The following COBLL1 variants were observed in gnomAD, a reference collection of about 807,000 sequenced individuals.
The protein encoded by COBLL1 is cordon-bleu WH2 repeat protein like 1.
A neutral mutation model predicts 94.8 loss-of-function variants in COBLL1; 50 were observed. The ratio of observed to expected loss-of-function variants is 0.53; its 90% CI spans 0.42 to 0.67. The LOEUF (loss-of-function observed/expected upper bound fraction) is 0.67. Among genes scored for constraint, COBLL1 ranks in the 30% least tolerant of loss-of-function variants. The pLI, the probability that COBLL1 is intolerant of heterozygous loss-of-function variation, is 0.00. For synonymous variants in COBLL1, 448 were observed against 473.8 expected, an observed-to-expected ratio of 0.95 and a Z score of 0.71; for missense variants, 1,362 against 1,348.7, an observed-to-expected ratio of 1.01 and a Z score of -0.15.
At chr2:164,660,790 C>T (rs932885598) in intron 2 of COBLL1, among the ~76,000 whole-genome samples, 32 of 152,098 alleles carry the variant, frequency 2.1e-4, no homozygotes, top group Non-Finnish European at 1.5e-4. Flanking sequence ...ACATTACATA[C>T]AGCAATCATA....
At chr2:164,762,027 A>T (rs1358764412) in intron 2 of COBLL1, among the ~76,000 whole-genome samples, 1 of 152,214 alleles carries the variant, frequency 6.6e-6, no homozygotes, top group African/African-American at 2.4e-5. Context: ...AAAGGCTGCT[A>T]ATCTCTAACT....
chr2:164,732,122 C>T (rs571471918), intron 3 of COBLL1, among the ~76,000 whole-genome samples: 23 of 152,178 alleles, frequency 1.5e-4, no homozygotes, highest in African/African-American at 3.4e-4. Context: ...CCCCCACATA[C>T]AAGTAGCACC....
At chr2:164,840,468 A>AT (rs571299365) in intron 2 of COBLL1, among the ~76,000 whole-genome samples, 67 of 152,286 alleles carry the variant, frequency 4.4e-4, no homozygotes, top group Admixed American at 2.4e-3. Flanking sequence ...AACTATTAGC[A>AT]TATCTGGCAG....
At chr2:164,758,314 C>T (rs1687509357) in intron 2 of COBLL1, among the ~76,000 whole-genome samples, 1 of 151,848 alleles carries the variant, frequency 6.6e-6, no homozygotes, top group East Asian at 1.9e-4. Flanking sequence ...TATCTAGTTG[C>T]AGAAACTATG....
chr2:164,816,313 C>T (rs757354943), intron 2 of COBLL1, among the ~76,000 whole-genome samples: 11 of 152,012 alleles, frequency 7.2e-5, no homozygotes, highest in African/African-American at 2.7e-4. Flanking sequence ...ACAGTGGGCC[C>T]TCTAAGTCTG....
intron 8 of COBLL1, among the ~76,000 whole-genome samples, 168 bp downstream of exon 8, chr2:164,704,784 T>G (rs1684496297): frequency 6.6e-6 from 1 of 152,198 alleles, no homozygotes; most frequent in South Asian, 2.1e-4. Flanking sequence ...ACACTTTATT[T>G]GGTGATGTTT....
chr2:164,694,225 T>C (rs1427642085), intron 12 of COBLL1, 44 bp downstream of exon 12: 1 of 1,554,526 alleles, frequency 6.4e-7, no homozygotes, highest in Middle Eastern at 1.7e-4. Flanking sequence ...CATTAAACCA[T>C]GTCATTAAAT....
chr2:164,667,763 G>A lies in COBLL1; in HGVS notation n.127-1862C>T, dbSNP rs888452285. ...GCTCTGGATTAGGTTTTGGCTCAAGGGTATGTTGTGGCTGCTTTGATCTTC... is the reference window on the plus strand; with the variant it reads ...GCTCTGGATTAGGTTTTGGCTCAAGAGTATGTTGTGGCTGCTTTGATCTTC... On this transcript the variant is annotated intron_variant and non_coding_transcript_variant, in intron 1 of 2. Transcript: ENST00000495084. Among the ~76,000 whole-genome samples the A allele has an allele frequency of 3.9e-5, 6 of 152,106 alleles. No homozygotes were observed. In the South Asian group the frequency reaches 1.2e-3, roughly 32 times the overall value.
intron 2 of COBLL1, among the ~76,000 whole-genome samples, chr2:164,837,723 T>A (rs1427586666): frequency 1.3e-5 from 2 of 152,152 alleles, no homozygotes; most frequent in East Asian, 3.9e-4. Flanking sequence ...TACATTTGAA[T>A]ATATATAAAG....
In COBLL1 at chr2:164,692,560, CAG is replaced by C. The variant is rs1340264081; in HGVS notation, c.3124-165_3124-164del. On this transcript the variant is annotated intron_variant, in intron 12 of 13. Transcript: ENST00000652658. The stretch of plus-strand genomic sequence containing the variant: ...TCACCCACTGAATTATCTCTGCTGC[CAG>C]AGCTAAGCTGGAAGATGAGGGCATT... The C allele has an allele frequency of 6.9e-6, 4 of 576,554 alleles. No homozygotes were observed. The African/African-American group carries it at 7.7e-5, about 11-fold the overall frequency. The allele number at this position is 576,554 out of a possible 1,614,324, so 35.7% of individuals were successfully genotyped here.
downstream of COBLL1, among the ~76,000 whole-genome samples, chr2:164,679,054 C>T (rs1266291571): frequency 6.6e-6 from 1 of 152,162 alleles, no homozygotes; most frequent in Non-Finnish European, 1.5e-5. Flanking sequence ...TCCAGATCAC[C>T]AGTCCCTTTA....
intron 2 of COBLL1, among the ~76,000 whole-genome samples, chr2:164,784,819 C>T (rs1313295359): frequency 6.6e-6 from 1 of 152,008 alleles, no homozygotes; most frequent in Non-Finnish European, 1.5e-5. Flanking sequence ...AGAGCCAATA[C>T]ATGTTTTTTT....
intron 2 of COBLL1, among the ~76,000 whole-genome samples, chr2:164,762,949 G>A (rs1357118022): frequency 1.3e-5 from 2 of 152,048 alleles, no homozygotes; most frequent in Non-Finnish European, 2.9e-5. Context: ...GCCTGCCTCG[G>A]CCTCCCAAAG....
At chr2:164,662,921 A>C (rs1410774933) in intron 2 of COBLL1, among the ~76,000 whole-genome samples, 1 of 152,104 alleles carries the variant, frequency 6.6e-6, no homozygotes, top group Non-Finnish European at 1.5e-5. Context: ...GAGTCAATTA[A>C]ATCTCTTTTC....
intron 2 of COBLL1, among the ~76,000 whole-genome samples, chr2:164,826,514 A>C (rs1047452192): frequency 1.3e-5 from 2 of 152,230 alleles, no homozygotes; most frequent in East Asian, 1.9e-4. Flanking sequence ...TGCCTGGCAT[A>C]TACTGGTATT....
intron 7 of COBLL1, 91 bp downstream of exon 7, chr2:164,721,984 T>C: frequency 1.1e-6 from 1 of 928,564 alleles, no homozygotes; most frequent in East Asian, 2.4e-5. Context: ...TACTTCTTAC[T>C]AGTCTACCTA....
At chr2:164,819,251 C>T (rs542464895) in intron 2 of COBLL1, among the ~76,000 whole-genome samples, 1 of 151,886 alleles carries the variant, frequency 6.6e-6, no homozygotes, top group South Asian at 2.1e-4. Context: ...ATAAAACTAG[C>T]GAAATATTTA....
chr2:164,667,084 T>C (rs1691171576), intron 1 of COBLL1, among the ~76,000 whole-genome samples: 1 of 151,988 alleles, frequency 6.6e-6, no homozygotes, highest in African/African-American at 2.4e-5. Context: ...AATAATAAGA[T>C]ATTTATTTAA....
chr2:164,670,670 A>G (rs1691228168), intron 1 of COBLL1, among the ~76,000 whole-genome samples: 1 of 152,204 alleles, frequency 6.6e-6, no homozygotes, highest in South Asian at 2.1e-4. Flanking sequence ...ATCAGTTTTA[A>G]GTTGGGATGA....
Sources: allele counts gnomAD v4.1 joint callset (sites outside exome capture counted in the v4.1 genomes callset), GRCh38; gene constraint gnomAD v4.1.1; transcripts MANE v1.5; gene names NCBI Gene and HGNC (gene_info 2026-07-23, HGNC 2026-07-21).